USP7: variants seen among roughly 807,000 people sequenced by gnomAD.
USP7 encodes ubiquitin specific peptidase 7.
In USP7, 9 loss-of-function variants were observed where a neutral mutation model predicts 162.9. The observed-to-expected ratio is 0.06, with a 90% CI of 0.03 to 0.10. The LOEUF (loss-of-function observed/expected upper bound fraction) is 0.10. USP7 is among the 10% of genes least tolerant of loss of function. The pLI is 1.00. For synonymous variants in USP7, 562 were observed against 475.9 expected, an observed-to-expected ratio of 1.18 and a Z score of -2.35; for missense variants, 715 against 1,373.7, an observed-to-expected ratio of 0.52 and a Z score of 7.58.
chr16:8,941,924 T>C (rs56410892), intron 1 of USP7, among the ~76,000 whole-genome samples: 41,289 of 152,138 alleles, frequency 0.27, 7,275 homozygotes, highest in African/African-American at 0.51. Context: ...ATCATTGCAA[T>C]AGAGGGCAAA....
chr16:8,924,347 T>C (rs1023436635), intron 2 of USP7, among the ~76,000 whole-genome samples: 9 of 152,258 alleles, frequency 5.9e-5, no homozygotes, highest in Non-Finnish European at 1.0e-4. Flanking sequence ...AAAGTCAACA[T>C]GCTACACAAG....
intron 1 of USP7, among the ~76,000 whole-genome samples, 158 bp downstream of exon 1, chr16:8,963,049 T>C (rs1900084290): frequency 1.5e-5 from 1 of 65,480 alleles, no homozygotes; most frequent in Non-Finnish European, 3.0e-5. Flanking sequence ...GGCATGACTT[T>C]GCAGCCTCGC....
rs1897527640 is a variant in USP7, at chr16:8,918,948, G to A, written c.720+83C>T. The A allele has an allele frequency of 6.5e-6, 9 of 1,394,384 alleles. No individual in the cohort carries two copies. In the East Asian group the frequency reaches 2.1e-4, roughly 32 times the overall value. The allele number at this position is 1,394,384 out of a possible 1,614,324, so 86.4% of individuals were successfully genotyped here. A position where few individuals can be genotyped will look rare whatever the true frequency, so the allele number is the denominator to read the frequency against. Reference sequence around the variant, plus strand: ...CAGGGCCAGGGGAGGGAGACGCCATGTTTGTTGAGAGGACTTTGCTCTGAT... The same window carrying A: ...CAGGGCCAGGGGAGGGAGACGCCATATTTGTTGAGAGGACTTTGCTCTGAT... On this transcript the variant is annotated intron_variant, in intron 6 of 30. Coordinates refer to ENST00000344836, the MANE Select transcript of USP7 (RefSeq NM_003470.3).
intron 1 of USP7, among the ~76,000 whole-genome samples, chr16:8,947,370 C>G (rs1004905094): frequency 2.0e-5 from 3 of 151,988 alleles, no homozygotes; most frequent in African/African-American, 4.8e-5. Flanking sequence ...CACACACACA[C>G]AGGGTCTCAC....
Position 8,898,455 on chromosome 16 carries a change from A to G in USP7, c.2641-18T>C, listed in dbSNP as rs769974523. On this transcript the variant is annotated intron_variant, in intron 24 of 30. Coordinates refer to ENST00000344836, the MANE Select transcript of USP7 (RefSeq NM_003470.3). ...ATCTTAAGCTATTAAGAAAAGAAAG[A>G]TTCACATCAGATACCGTCACCAAAA... 1.9e-6 allele frequency: 3 copies of G among 1,610,826 alleles called. No individual in the cohort carries two copies. Among genetic ancestry groups the G allele is most frequent in the Non-Finnish European group, 2.5e-6 (3 of 1,178,682 alleles).
rs527801292 is a variant in USP7 at position 8,930,495 on chromosome 16, A to C, written c.80-98T>G. 2.1e-4 allele frequency: 155 copies of C among 742,162 alleles called. 1 individual carries two copies. The African/African-American group carries it at 2.2e-3, about 11-fold the overall frequency. 46.0% of individuals were successfully genotyped at this position (742,162 alleles called of 1,614,324 possible). ...ATACTTTTGATGTTGCCTAATCATT[A>C]ATAAATTCCAATTGTACCACAATAA... On this transcript the variant is annotated intron_variant, in intron 1 of 30. Coordinates refer to ENST00000344836, the MANE Select transcript of USP7 (RefSeq NM_003470.3).
In USP7 at chr16:8,941,738, G is replaced by A. The variant is rs528460288; in HGVS notation, c.80-11341C>T. Among the ~76,000 whole-genome samples the A allele has an allele frequency of 5.9e-5, 9 of 152,264 alleles. No homozygotes were observed. The South Asian group carries it at 8.3e-4, about 14-fold the overall frequency. ...CAGGATCAGCTGTGTTGGGTGGTGCGTGCTGTGAAGTCAGGCCTGCCTCTC... is the reference window on the plus strand; with the variant it reads ...CAGGATCAGCTGTGTTGGGTGGTGCATGCTGTGAAGTCAGGCCTGCCTCTC... On this transcript the variant is annotated intron_variant, in intron 1 of 30. Coordinates refer to ENST00000344836, the MANE Select transcript of USP7 (RefSeq NM_003470.3).
intron 4 of USP7, 95 bp downstream of exon 4, chr16:8,921,062 C>T: frequency 1.5e-6 from 2 of 1,354,152 alleles, no homozygotes; most frequent in South Asian, 1.5e-5. Context: ...AAAAATCTGA[C>T]TCTAAAATCA....
intron 16 of USP7, 104 bp downstream of exon 16, chr16:8,903,164 G>A (rs2141175494): frequency 6.9e-7 from 1 of 1,453,886 alleles, no homozygotes; most frequent in Non-Finnish European, 9.3e-7. Flanking sequence ...GCAGTGGCTG[G>A]ACACAGCACC....
At chr16:8,904,685 G>A (rs538553440) in intron 14 of USP7, 120 bp from the exon 15 acceptor site, 4 of 1,433,102 alleles carry the variant, frequency 2.8e-6, no homozygotes, top group African/African-American at 2.9e-5. Flanking sequence ...GCTTACGCCT[G>A]TAATCCCAGC....
At chr16:8,943,377 G>C (rs922693784) in intron 1 of USP7, among the ~76,000 whole-genome samples, 8 of 151,558 alleles carry the variant, frequency 5.3e-5, no homozygotes, top group African/African-American at 2.0e-4. Context: ...AGGATTATCT[G>C]CTCAACTGTG....
intron 1 of USP7, among the ~76,000 whole-genome samples, chr16:8,944,796 G>A (rs1380825224): frequency 2.0e-5 from 3 of 152,278 alleles, no homozygotes; most frequent in African/African-American, 2.4e-5. Flanking sequence ...AAAAACTAGC[G>A]TCAAAGGTAT....
At chr16:8,907,193 A>C (rs1333711097) in intron 12 of USP7, among the ~76,000 whole-genome samples, 3 of 152,236 alleles carry the variant, frequency 2.0e-5, no homozygotes, top group Non-Finnish European at 4.4e-5. Flanking sequence ...CGATGCCCAA[A>C]TCTGAACATT....
chr16:8,951,799 G>A (rs1899566456), intron 1 of USP7, among the ~76,000 whole-genome samples: 5 of 152,188 alleles, frequency 3.3e-5, no homozygotes, highest in Admixed American at 3.3e-4. Flanking sequence ...TTCAGCTCAG[G>A]ATCTCATTAA....
intron 15 of USP7, among the ~76,000 whole-genome samples, chr16:8,904,182 G>A (rs2061822719): frequency 6.6e-6 from 1 of 152,196 alleles, no homozygotes; most frequent in African/African-American, 2.4e-5. Flanking sequence ...TGTGTATCAG[G>A]AACTACTCTG....
intron 2 of USP7, 106 bp from the exon 3 acceptor site, chr16:8,923,519 A>G: frequency 9.8e-6 from 12 of 1,225,564 alleles, no homozygotes; most frequent in Non-Finnish European, 1.2e-5. Flanking sequence ...TTTAACTGCT[A>G]AAACCTAACA....
chr16:8,932,092 G>A (rs531286139), intron 1 of USP7, among the ~76,000 whole-genome samples: 8 of 152,002 alleles, frequency 5.3e-5, no homozygotes, highest in Non-Finnish European at 1.2e-4. Flanking sequence ...AAACCCCAAC[G>A]CTTAGATTAC....
chr16:8,900,375 T>C (rs2061755837), intron 21 of USP7, among the ~76,000 whole-genome samples, 155 bp downstream of exon 21: 1 of 152,100 alleles, frequency 6.6e-6, no homozygotes, highest in Non-Finnish European at 1.5e-5. Context: ...CCACACCTAA[T>C]TTCAAAACCC....
rs1359314291 is a variant in USP7 at position 8,892,685 on chromosome 16, T to A, written c.*1313A>T. ...AATTAGAAGGAAAAGTACATCTCAG[T>A]GAAACCTTGTTACAAATGCCAAGGT... On this transcript the variant is annotated 3_prime_UTR_variant, in exon 31 of 31. Coordinates refer to ENST00000344836, the MANE Select transcript of USP7 (RefSeq NM_003470.3). 1 of 151,274 alleles carries A rather than the reference T, an allele frequency of 6.6e-6. No individual in the cohort carries two copies. Among genetic ancestry groups the A allele is most frequent in the African/African-American group, 2.4e-5 (1 of 41,086 alleles). 9.4% of individuals were successfully genotyped at this position (151,274 alleles called of 1,614,324 possible).
Sources: gnomAD v4.1 joint callset for allele counts (sites outside exome capture counted in the v4.1 genomes callset) on GRCh38, gnomAD v4.1.1 for gene constraint, MANE v1.5 for transcripts, NCBI Gene and HGNC (gene_info 2026-07-23, HGNC 2026-07-21) for gene names.